The following STRBP variants were observed in gnomAD, a reference collection of about 807,000 sequenced individuals.
The protein encoded by STRBP is spermatid perinuclear RNA binding protein, also known as spermatid perinuclear RNA-binding protein.
STRBP carries 13 observed loss-of-function variants against 80.1 expected under a neutral mutation model. The observed-to-expected ratio is 0.16, with a 90% CI of 0.11 to 0.26. The LOEUF (loss-of-function observed/expected upper bound fraction) is 0.26, where lower values mean the gene tolerates loss of function less well. Among genes scored for constraint, STRBP ranks in the 10% least tolerant of loss-of-function variants. STRBP has a pLI of 1.00. For missense variants in STRBP, 485 were observed against 815.2 expected (o/e 0.59, Z 4.93); for synonymous variants, 284 against 291.2 (o/e 0.98, Z 0.25).
chr9:123,154,162 G>A (rs1345875941), intron 11 of STRBP, among the ~76,000 whole-genome samples: 1 of 152,154 alleles, frequency 6.6e-6, no homozygotes, highest in African/African-American at 2.4e-5. Flanking sequence ...AATGCTCATG[G>A]CAACACGGTA....
intron 2 of STRBP, among the ~76,000 whole-genome samples, chr9:123,224,386 TC>T (rs1035228276): frequency 1.2e-4 from 19 of 152,174 alleles, no homozygotes; most frequent in Admixed American, 8.5e-4. Flanking sequence ...ACCTATTACC[TC>T]CTGAATCAGA....
intron 2 of STRBP, among the ~76,000 whole-genome samples, chr9:123,186,566 A>G (rs901754809): frequency 1.7e-4 from 26 of 152,124 alleles, no homozygotes; most frequent in African/African-American, 5.8e-4. Context: ...ATCTCTATTC[A>G]CTGTATATTC....
chr9:123,244,153 A>G (rs1200575432), intron 1 of STRBP, among the ~76,000 whole-genome samples: 1 of 152,238 alleles, frequency 6.6e-6, no homozygotes, highest in Non-Finnish European at 1.5e-5. Context: ...CAAGCCATGT[A>G]AAGACATGGA....
At chr9:123,205,233 T>C (rs2039472689) in intron 2 of STRBP, among the ~76,000 whole-genome samples, 1 of 152,196 alleles carries the variant, frequency 6.6e-6, no homozygotes, top group Non-Finnish European at 1.5e-5. Context: ...ACCACTGCAC[T>C]CCAGCTGGGC....
chr9:123,266,539 G>C (rs1018099894), intron 1 of STRBP, among the ~76,000 whole-genome samples: 1 of 151,460 alleles, frequency 6.6e-6, no homozygotes, highest in African/African-American at 2.4e-5. Flanking sequence ...TAGACTCTCA[G>C]TGACCTAAAA....
intron 1 of STRBP, among the ~76,000 whole-genome samples, chr9:123,265,564 T>C (rs2041249320): frequency 6.6e-6 from 1 of 152,198 alleles, no homozygotes; most frequent in African/African-American, 2.4e-5. Context: ...CTAGGAAACC[T>C]TGCTTACTGA....
At chr9:123,257,065 G>A (rs2041048779) in intron 1 of STRBP, among the ~76,000 whole-genome samples, 3 of 152,036 alleles carry the variant, frequency 2.0e-5, no homozygotes, top group Admixed American at 1.3e-4. Flanking sequence ...ACAGAGTAAG[G>A]CTTGAATTCC....
chr9:123,211,499 C>T (rs2039707666), intron 2 of STRBP, among the ~76,000 whole-genome samples: 1 of 151,710 alleles, frequency 6.6e-6, no homozygotes, highest in South Asian at 2.1e-4. Flanking sequence ...CCTTTTTTTT[C>T]CCCAATGGTG....
rs2037473548 is a variant in STRBP at position 123,160,384 on chromosome 9, C to T, written c.706G>A (p.Ala236Thr). 4 of 1,596,808 alleles carry T rather than the reference C, an allele frequency of 2.5e-6. No homozygotes were observed. Among genetic ancestry groups the T allele is most frequent in the Non-Finnish European group, 3.4e-6 (4 of 1,167,800 alleles). The change falls in exon 8 of 19, where the codon GCA becomes ACA. Residue 236 changes from alanine (A) to threonine (T), a missense_variant. Coordinates refer to ENST00000348403, the MANE Select transcript of STRBP (RefSeq NM_018387.5). ...GTACTTACCCATCCTTTCAATGGTG[C>T]CCATGTGGGGACTCTGTTGCACAAA... ...RDLCNRVPTW[A>T]PLKGWPLELI...
At chr9:123,132,131 G>A (rs2036162958) in intron 17 of STRBP, among the ~76,000 whole-genome samples, 2 of 152,124 alleles carry the variant, frequency 1.3e-5, no homozygotes, top group African/African-American at 4.8e-5. Context: ...TAAGCTATGT[G>A]GTGGAATGGA....
At chr9:123,229,989 G>A (rs2040353742) in intron 2 of STRBP, among the ~76,000 whole-genome samples, 1 of 152,172 alleles carries the variant, frequency 6.6e-6, no homozygotes, top group Non-Finnish European at 1.5e-5. Context: ...CAGATTAGGA[G>A]GAGAGTCAGA....
chr9:123,125,904 T>TAG (rs2132294302), intron 18 of STRBP, among the ~76,000 whole-genome samples: 1 of 152,362 alleles, frequency 6.6e-6, no homozygotes, highest in Non-Finnish European at 1.5e-5. Context: ...TGGCTACATC[T>TAG]AGGAAGCAAT....
chr9:123,146,829 A>G (rs780929297), intron 13 of STRBP, 26 bp downstream of exon 13: 4 of 1,561,000 alleles, frequency 2.6e-6, no homozygotes, highest in Non-Finnish European at 3.5e-6. Flanking sequence ...ATAAGAAAGC[A>G]TTGCAAAGTA....
At chr9:123,192,966 C>G (rs1450755554) in intron 2 of STRBP, among the ~76,000 whole-genome samples, 1 of 152,160 alleles carries the variant, frequency 6.6e-6, no homozygotes, top group African/African-American at 2.4e-5. Flanking sequence ...AATAATGACT[C>G]TATGCCAGAA....
rs572114461 is a variant in STRBP, at chr9:123,232,140, C to G, written c.-165+4690G>C. 2.0e-3 allele frequency among the ~76,000 whole-genome samples: 306 copies of G among 152,188 alleles called. 2 individuals are homozygous for G. Among genetic ancestry groups the G allele is most frequent in the African/African-American group, 6.6e-3 (272 of 41,520 alleles). On this transcript the variant is annotated intron_variant, in intron 2 of 18. Transcript: ENST00000348403. ...CAGCCTGGTCAACATGGTGAAACCT[C>G]GGCTCTACTAAAAATACAAAAATTA...
At chr9:123,150,793 C>G (rs531220661) in intron 11 of STRBP, among the ~76,000 whole-genome samples, 1 of 152,056 alleles carries the variant, frequency 6.6e-6, no homozygotes, top group African/African-American at 2.4e-5. Flanking sequence ...GTGAACCCCC[C>G]ACACACTGGG....
intron 2 of STRBP, among the ~76,000 whole-genome samples, chr9:123,202,300 T>C (rs920901029): frequency 6.6e-6 from 1 of 152,354 alleles, no homozygotes; most frequent in African/African-American, 2.4e-5. Flanking sequence ...CATTGTATAA[T>C]TGTTTTACAG....
rs1350377694 is a variant in STRBP, at chr9:123,126,780, G to T, written c.1943-1107C>A. ...TGGCACTTATACAAGACATAGTACA[G>T]TGAGTCTAGTGAGCCAAAATGTACT... On this transcript the variant is annotated intron_variant, in intron 18 of 18. Coordinates refer to ENST00000348403, the MANE Select transcript of STRBP (RefSeq NM_018387.5). This position sits in a 1 kb window ranked among gnomAD's most constrained non-coding sequence, Gnocchi z 4.4. Among the ~76,000 whole-genome samples the T allele has an allele frequency of 1.3e-5, 2 of 152,196 alleles. No individual in the cohort carries two copies. The highest frequency in any genetic ancestry group is 1.3e-4 in the Admixed American group (2 of 15,284).
At chr9:123,158,497 G>A in intron 9 of STRBP, 68 bp from the exon 10 acceptor site, 1 of 1,347,056 alleles carries the variant, frequency 7.4e-7, no homozygotes, top group Non-Finnish European at 1.1e-6. Flanking sequence ...TAAAACAAAA[G>A]AGAGATGGCT....
Sources: allele counts gnomAD v4.1 joint callset (sites outside exome capture counted in the v4.1 genomes callset), GRCh38; gene constraint gnomAD v4.1.1; non-coding constraint Gnocchi (gnomAD v3.1); transcripts MANE v1.5; gene names NCBI Gene and HGNC (gene_info 2026-07-23, HGNC 2026-07-21).